Variants in DNAH17 observed in about 807,000 individuals in gnomAD.
The protein encoded by DNAH17 is axonemal beta dynein heavy chain 17.
A neutral mutation model predicts 485.6 loss-of-function variants in DNAH17; 376 were observed. The observed-to-expected ratio is 0.77, with a 90% CI of 0.71 to 0.84. The LOEUF (loss-of-function observed/expected upper bound fraction) is 0.84. Among genes scored for constraint, DNAH17 ranks in the 40% least tolerant of loss-of-function variants. The pLI is 0.00. For missense variants in DNAH17, 6,370 were observed against 5,839.3 expected (o/e 1.09, Z -2.96); for synonymous variants, 3,031 against 2,405.9 (o/e 1.26, Z -7.60).
At chr17:78,439,973 C>G (rs903507516) in intron 72 of DNAH17, among the ~76,000 whole-genome samples, 10 of 151,328 alleles carry the variant, frequency 6.6e-5, no homozygotes, top group African/African-American at 2.4e-4. Context: ...GCTGGCCTCA[C>G]TTTTTTTTGA....
At chr17:78,528,356 G>A (rs1000598330) in intron 22 of DNAH17, among the ~76,000 whole-genome samples, 1 of 152,112 alleles carries the variant, frequency 6.6e-6, no homozygotes, top group Non-Finnish European at 1.5e-5. Context: ...GACTTCCTGG[G>A]CTCAACTGAT....
chr17:78,558,851 C>T (rs960782155), intron 13 of DNAH17, among the ~76,000 whole-genome samples: 1 of 152,218 alleles, frequency 6.6e-6, no homozygotes, highest in African/African-American at 2.4e-5. Flanking sequence ...CAAAGCTATT[C>T]TCAAAGTTGA....
rs980212628 is a variant in DNAH17 at position 78,565,426 on chromosome 17, C to CA, written c.1569+1187dup. On this transcript the variant is annotated intron_variant, in intron 11 of 80. Transcript: ENST00000389840. ...GTATTTGCATTTTTGCAAGAGCATT[C>CA]AAAAGGGCAAAGGAACATCCTGACG... Among the ~76,000 whole-genome samples, 11 of 152,244 alleles carry CA rather than the reference C, an allele frequency of 7.2e-5. 1 individual carries two copies. Among genetic ancestry groups the CA allele is most frequent in the Admixed American group, 2.0e-4 (3 of 15,284 alleles).
At chr17:78,572,633 G>T in intron 3 of DNAH17, 68 bp downstream of exon 3, 1 of 1,363,446 alleles carries the variant, frequency 7.3e-7, no homozygotes. Flanking sequence ...GAGTGGGGTG[G>T]GGGGTGGGGG....
intron 19 of DNAH17, among the ~76,000 whole-genome samples, chr17:78,535,373 T>C (rs1050077560): frequency 2.0e-5 from 3 of 152,142 alleles, no homozygotes; most frequent in Non-Finnish European, 2.9e-5. Context: ...CTCCCACCCT[T>C]CCAGAATCCG....
At chr17:78,560,609 T>C in intron 13 of DNAH17, 131 bp downstream of exon 13, 1 of 1,010,336 alleles carries the variant, frequency 9.9e-7, no homozygotes, top group African/African-American at 1.6e-5. Context: ...CTGGACACAC[T>C]TAAGAAGTAA....
At chr17:78,546,793 C>A (rs779834631) in intron 16 of DNAH17, among the ~76,000 whole-genome samples, 1 of 152,158 alleles carries the variant, frequency 6.6e-6, no homozygotes, top group Non-Finnish European at 1.5e-5. Flanking sequence ...GTAATCCCAG[C>A]TATTTGGGAG....
At chr17:78,461,223 C>T (rs532398925) in intron 58 of DNAH17, among the ~76,000 whole-genome samples, 1 of 152,258 alleles carries the variant, frequency 6.6e-6, no homozygotes, top group African/African-American at 2.4e-5. Context: ...CATGCAGGCC[C>T]CATTGAGCAG....
At chr17:78,513,136 G>T (rs537326561) in intron 26 of DNAH17, among the ~76,000 whole-genome samples, 8 of 151,924 alleles carry the variant, frequency 5.3e-5, no homozygotes, top group African/African-American at 1.9e-4. Context: ...AAAGTAAACC[G>T]GAAAAATGAG....
At chr17:78,443,639 T>C (rs1568057999) in intron 71 of DNAH17, among the ~76,000 whole-genome samples, 1 of 152,170 alleles carries the variant, frequency 6.6e-6, no homozygotes, top group Non-Finnish European at 1.5e-5. Flanking sequence ...AGCCTCCACC[T>C]CCCGGGCTCA....
At position 78,502,696 on chromosome 17, in the gene DNAH17, C is replaced by A. The variant is rs768368946; in HGVS notation, c.5085G>T (p.Val1695=). 1.2e-6 allele frequency: 2 copies of A among 1,611,344 alleles called. No individual in the cohort carries two copies. Among genetic ancestry groups the A allele is most frequent in the African/African-American group, 2.7e-5 (2 of 74,934 alleles). ...EQWILDYPAQ[V]ALTCTQIWWT... The stretch of plus-strand genomic sequence containing the variant: ...ACCAGATCTGGGTGCAAGTCAGGGC[C>A]ACCTGAAAGTACATACCCCCCATTG... The change falls in exon 33 of 81, where the codon GTG becomes GTT. Residue 1695 remains valine (V), a splice_region_variant and synonymous_variant. Coordinates refer to ENST00000389840, the MANE Select transcript of DNAH17 (RefSeq NM_173628.4).
intron 11 of DNAH17, 98 bp from the exon 12 acceptor site, chr17:78,562,078 G>A (rs915016539): frequency 6.4e-5 from 88 of 1,371,104 alleles, no homozygotes; most frequent in Non-Finnish European, 7.9e-5. Flanking sequence ...CTTCAGGAGT[G>A]AGAGAATGTG....
At position 78,573,122 on chromosome 17, in the gene DNAH17, T is replaced by C. The variant is rs370696070; in HGVS notation, c.346-228A>G. 5.9e-5 allele frequency among the ~76,000 whole-genome samples: 9 copies of C among 152,240 alleles called. No homozygotes were observed. The East Asian group carries it at 1.5e-3, about 26-fold the overall frequency. On this transcript the variant is annotated intron_variant, in intron 2 of 80. Coordinates refer to ENST00000389840, the MANE Select transcript of DNAH17 (RefSeq NM_173628.4). ...GAGGTGTGGCCGGTCATGGAGTTTA[T>C]ACCAGCTGCCCTGTCCTGGTGGTAC...
At chr17:78,543,813 A>G (rs768880910) in intron 17 of DNAH17, 44 bp downstream of exon 17, 2 of 1,613,590 alleles carry the variant, frequency 1.2e-6, no homozygotes, top group East Asian at 2.2e-5. Flanking sequence ...CCTCCCTGCT[A>G]AAAGCAAGTG....
chr17:78,533,295 T>C (rs919286048), intron 19 of DNAH17, among the ~76,000 whole-genome samples: 8 of 152,024 alleles, frequency 5.3e-5, no homozygotes, highest in African/African-American at 1.7e-4. Flanking sequence ...GAAAAAAGCA[T>C]CTCCACCCTC....
Position 78,494,038 on chromosome 17 carries a change from G to A in DNAH17, c.6406C>T (p.Gln2136Ter). Residue 2136 changes from glutamine to a stop codon, truncating the protein, a stop_gained and splice_region_variant, in exon 41 of 81, where the codon CAG (glutamine) becomes TAG (stop). Coordinates refer to ENST00000389840, the MANE Select transcript of DNAH17 (RefSeq NM_173628.4). LOFTEE classifies it high-confidence loss of function. ...GGTCCCTGGAGCGGGTGACACACCT[G>A]AGATTTGCCGCTGCCCGCATTCCCG... ...IVGNAGSGKSQVLKSLNKTYQ... is the reference protein window; with the variant it reads ...IVGNAGSGKS 6.2e-7 allele frequency: 1 copy of A among 1,612,038 alleles called. No homozygotes were observed. Among genetic ancestry groups the A allele is most frequent in the South Asian group, 1.1e-5 (1 of 90,880 alleles).
Position 78,462,837 on chromosome 17 carries a change from C to T in DNAH17, c.9174+7G>A. The T allele has an allele frequency of 6.2e-7, 1 of 1,613,834 alleles. No individual in the cohort carries two copies. On this transcript the variant is annotated splice_region_variant and intron_variant, in intron 57 of 80. Transcript: ENST00000389840. ...ACAGGAGCTGGCAGCCAGCCCCCCT[C>T]TCCTACCTGGGAAGCCGTGCTCTGC...
intron 10 of DNAH17, 74 bp from the exon 11 acceptor site, chr17:78,566,804 C>T: frequency 7.4e-7 from 1 of 1,354,616 alleles, no homozygotes; most frequent in Non-Finnish European, 1.0e-6. Context: ...CCAGCCCCTG[C>T]CCTGCTGAGA....
At chr17:78,512,033 G>A (rs917914528) in intron 26 of DNAH17, among the ~76,000 whole-genome samples, 1 of 152,208 alleles carries the variant, frequency 6.6e-6, no homozygotes, top group African/African-American at 2.4e-5. Context: ...TGGGCCTAGG[G>A]AGCAGAAGGG....
Sources: allele counts gnomAD v4.1 joint callset (sites outside exome capture counted in the v4.1 genomes callset), GRCh38; gene constraint gnomAD v4.1.1; transcripts MANE v1.5; gene names NCBI Gene and HGNC (gene_info 2026-07-23, HGNC 2026-07-21).